Variants in MAP4K4 observed in about 807,000 individuals in gnomAD.
The protein encoded by MAP4K4 is mitogen-activated protein kinase kinase kinase kinase 4, also known as HPK/GCK-like kinase HGK.
A neutral mutation model predicts 189.6 loss-of-function variants in MAP4K4; 38 were observed. The observed-to-expected ratio is 0.20, with a 90% CI of 0.15 to 0.26. The LOEUF (loss-of-function observed/expected upper bound fraction) is 0.26. Ranked by LOEUF, MAP4K4 falls within the 10% of genes least tolerant of loss-of-function variation. MAP4K4 has a pLI of 1.00. For synonymous variants in MAP4K4, 610 were observed against 624.3 expected (o/e 0.98, Z 0.34); for missense variants, 1,054 against 1,726.9 (o/e 0.61, Z 6.91).
intron 2 of MAP4K4, among the ~76,000 whole-genome samples, chr2:101,723,982 C>T (rs1559099969): frequency 6.6e-6 from 1 of 152,196 alleles, no homozygotes; most frequent in Non-Finnish European, 1.5e-5. Context: ...TTCCCTGTAA[C>T]TTCTGCTCTA....
chr2:101,790,616 A>C, intron 2 of MAP4K4, 104 bp from the exon 3 acceptor site: 1 of 781,250 alleles, frequency 1.3e-6, no homozygotes, highest in Non-Finnish European at 2.2e-6. Context: ...AGTCAGAGAT[A>C]AGTATAGTTG....
chr2:101,790,375 GAAAGAAGTGTA>G (rs1238891546), intron 2 of MAP4K4, among the ~76,000 whole-genome samples: 1 of 151,852 alleles, frequency 6.6e-6, no homozygotes, highest in Non-Finnish European at 1.5e-5. Flanking sequence ...ACCTGTGAAG[GAAAGAAGTGTA>G]AAATATAGGA....
chr2:101,893,532 G>T (rs55821509), exon 33 of MAP4K4: 1 of 269,410 alleles, frequency 3.7e-6, no homozygotes, highest in African/African-American at 2.2e-5. Context: ...GAACACACTC[G>T]TGTACATATC....
intron 20 of MAP4K4, 164 bp downstream of exon 20, chr2:101,867,473 AT>A: frequency 1.7e-6 from 1 of 592,682 alleles, no homozygotes; most frequent in South Asian, 2.0e-5. Context: ...GTTCCCTTCC[AT>A]TGGTATCGTC....
intron 2 of MAP4K4, among the ~76,000 whole-genome samples, chr2:101,735,446 C>A (rs2059970094): frequency 6.6e-6 from 1 of 152,094 alleles, no homozygotes; most frequent in Non-Finnish European, 1.5e-5. Flanking sequence ...AATCAGGGTA[C>A]CAAGTAGGGG....
intron 3 of MAP4K4, among the ~76,000 whole-genome samples, chr2:101,799,779 T>C (rs2094189497): frequency 6.6e-6 from 1 of 152,080 alleles, no homozygotes; most frequent in Admixed American, 6.6e-5. Context: ...TTTTTAAAAT[T>C]TTTCGTAGAG....
intron 2 of MAP4K4, among the ~76,000 whole-genome samples, chr2:101,745,988 G>A (rs2149849078): frequency 6.7e-6 from 1 of 149,332 alleles, no homozygotes. Flanking sequence ...GTGTGTGTGT[G>A]TGTGTGTGTG....
At chr2:101,757,092 G>A (rs1234259989) in intron 2 of MAP4K4, among the ~76,000 whole-genome samples, 1 of 152,152 alleles carries the variant, frequency 6.6e-6, no homozygotes, top group African/African-American at 2.4e-5. Context: ...CTATCTGTGT[G>A]TACCTTTGGA....
intron 20 of MAP4K4, chr2:101,867,702 T>G: frequency 2.5e-6 from 1 of 401,192 alleles, no homozygotes; most frequent in Non-Finnish European, 4.4e-6. Flanking sequence ...TTATTCTTCG[T>G]GAGTTCAGCA....
intron 3 of MAP4K4, among the ~76,000 whole-genome samples, chr2:101,801,633 G>A (rs774719001): frequency 2.6e-5 from 4 of 152,130 alleles, no homozygotes; most frequent in South Asian, 2.1e-4. Flanking sequence ...TTCTGGGAGC[G>A]GTGGAAACCC....
intron 2 of MAP4K4, among the ~76,000 whole-genome samples, chr2:101,701,929 C>A (rs1303591636): frequency 1.3e-5 from 2 of 152,010 alleles, no homozygotes; most frequent in Non-Finnish European, 2.9e-5. Flanking sequence ...GCAGTGGCAC[C>A]ATCTCTACTC....
At chr2:101,868,032 G>A (rs780225062) in exon 21 of MAP4K4, 15 of 1,612,576 alleles carry the variant, frequency 9.3e-6, no homozygotes, top group Admixed American at 1.7e-5. Flanking sequence ...ACTGAAGGGC[G>A]AAGTGGTAAG....
chr2:101,783,727 A>G (rs1002804064), intron 2 of MAP4K4, among the ~76,000 whole-genome samples: 1 of 152,228 alleles, frequency 6.6e-6, no homozygotes, highest in Non-Finnish European at 1.5e-5. Flanking sequence ...AACAAATATC[A>G]AGAAACAAAG....
At chr2:101,737,445 ATATATATATATATATATTTTTTT>A (rs1199260320) in intron 2 of MAP4K4, among the ~76,000 whole-genome samples, 454 of 33,622 alleles carry the variant, frequency 0.014, 2 homozygotes, top group African/African-American at 0.067. Flanking sequence ...ATATATATAT[ATATATATATATATATATTTTTTT>A]TTTTTTTTTT....
intron 8 of MAP4K4, among the ~76,000 whole-genome samples, chr2:101,835,445 C>G (rs2096722081): frequency 6.6e-6 from 1 of 152,160 alleles, no homozygotes; most frequent in Admixed American, 6.5e-5. Flanking sequence ...AATTTTTGCT[C>G]TTTCTAGTAT....
At chr2:101,859,330 TC>T (rs2097565400) in intron 14 of MAP4K4, among the ~76,000 whole-genome samples, 1 of 152,220 alleles carries the variant, frequency 6.6e-6, no homozygotes, top group Non-Finnish European at 1.5e-5. Flanking sequence ...AACTTGGCAC[TC>T]AGTGAACACA....
At chr2:101,698,351 G>T in intron 1 of MAP4K4, 122 bp from the exon 2 acceptor site, 1 of 984,900 alleles carries the variant, frequency 1.0e-6, no homozygotes, top group Non-Finnish European at 1.6e-6. Context: ...CGGGCGCTGG[G>T]GGACCGCGCG....
chr2:101,764,230 T>C (rs761194671), intron 2 of MAP4K4, among the ~76,000 whole-genome samples: 21 of 152,202 alleles, frequency 1.4e-4, no homozygotes, highest in Non-Finnish European at 1.5e-4. Context: ...GTCAAACATA[T>C]GTAGCATTGC....
chr2:101,712,999 A>T (rs1054689428), intron 2 of MAP4K4, among the ~76,000 whole-genome samples: 2 of 149,502 alleles, frequency 1.3e-5, no homozygotes, highest in Non-Finnish European at 3.0e-5. Context: ...CACCTCCCAG[A>T]TTCAGGCAGT....
Sources: allele counts gnomAD v4.1 joint callset (sites outside exome capture counted in the v4.1 genomes callset), GRCh38; gene constraint gnomAD v4.1.1; transcripts MANE v1.5; gene names NCBI Gene and HGNC (gene_info 2026-07-23, HGNC 2026-07-21).